GAB2: variants seen among roughly 807,000 people sequenced by gnomAD.
GAB2 encodes the protein GRB2 associated binding protein 2.
In GAB2, 26 loss-of-function variants were observed where a neutral mutation model predicts 65.5. The observed-to-expected ratio is 0.40, with a 90% CI of 0.29 to 0.55. The LOEUF (loss-of-function observed/expected upper bound fraction) is 0.55. GAB2 is among the 20% of genes least tolerant of loss of function. GAB2 has a pLI of 0.53. For synonymous variants in GAB2, 321 were observed against 329.6 expected (o/e 0.97, Z 0.28); for missense variants, 884 against 875.8 (o/e 1.01, Z -0.12).
intron 1 of GAB2, among the ~76,000 whole-genome samples, chr11:78,405,559 G>C (rs867981717): frequency 6.6e-6 from 1 of 152,144 alleles, no homozygotes; most frequent in Non-Finnish European, 1.5e-5. Flanking sequence ...CTGGTAACAA[G>C]TGCTTTTGTA....
At position 78,226,767 on chromosome 11, in the gene GAB2, A is replaced by G. The variant is rs1864674840; in HGVS notation, c.905T>C (p.Leu302Pro). Residue 302 changes from leucine (L) to proline (P), a missense_variant, in exon 4 of 10, where the codon CTG becomes CCG. By Grantham distance (98) the Leu-to-Pro change is moderately conservative (BLOSUM62 -3). Coordinates refer to ENST00000361507, the MANE Select transcript of GAB2 (RefSeq NM_080491.3). ...CAGGAGGTCCCCGAACTCCCTGCAC[A>G]GGGTGTTGCTGGGCGTCTTGAAGGT... is the stretch of plus-strand genomic sequence containing the variant. ...VYTFKTPSNTLCREFGDLLVD... is the reference protein window; with the variant it reads ...VYTFKTPSNTPCREFGDLLVD... The G allele has an allele frequency of 1.9e-6, 3 of 1,614,064 alleles. No individual in the cohort carries two copies. The highest frequency in any genetic ancestry group is 2.5e-6 in the Non-Finnish European group (3 of 1,179,982).
intron 1 of GAB2, among the ~76,000 whole-genome samples, chr11:78,290,404 G>C (rs553443938): frequency 4.7e-4 from 71 of 152,316 alleles, no homozygotes; most frequent in Non-Finnish European, 8.5e-4. Flanking sequence ...AGACCACAAA[G>C]TGTGGGTACA....
chr11:78,410,645 A>C (rs1287669789), intron 1 of GAB2, among the ~76,000 whole-genome samples: 2 of 152,254 alleles, frequency 1.3e-5, no homozygotes, highest in Non-Finnish European at 2.9e-5. Flanking sequence ...ACATGTATGT[A>C]ACAACTTAGA....
chr11:78,385,680 C>T (rs1291260071), intron 1 of GAB2, among the ~76,000 whole-genome samples: 2 of 152,120 alleles, frequency 1.3e-5, no homozygotes, highest in Non-Finnish European at 2.9e-5. Context: ...GCAGTTGAGC[C>T]TTCTTAGACA....
At chr11:78,346,707 ATATATATATATATAAT>A (rs1856191832) in intron 1 of GAB2, among the ~76,000 whole-genome samples, 1 of 93,840 alleles carries the variant, frequency 1.1e-5, no homozygotes, top group African/African-American at 7.4e-5. Flanking sequence ...ATATATATAT[ATATATATATATATAAT>A]TTTTTTTTTT....
At chr11:78,352,677 T>C (rs1420641284) in intron 1 of GAB2, among the ~76,000 whole-genome samples, 3 of 152,114 alleles carry the variant, frequency 2.0e-5, no homozygotes, top group Admixed American at 6.6e-5. Flanking sequence ...CCATTCCTCA[T>C]TGATGGGAAT....
chr11:78,349,689 A>T (rs77235129), intron 1 of GAB2, among the ~76,000 whole-genome samples: 12,983 of 152,072 alleles, frequency 0.085, 1,712 homozygotes, highest in African/African-American at 0.29. Flanking sequence ...CTTTTAAAAA[A>T]TTTTTTTTAA....
intron 3 of GAB2, among the ~76,000 whole-genome samples, chr11:78,247,854 T>C (rs914189164): frequency 1.5e-4 from 23 of 152,192 alleles, no homozygotes; most frequent in African/African-American, 5.3e-4. Context: ...CTGCAAACAT[T>C]ATTTGAACTT....
At chr11:78,323,601 A>C (rs1194035222) in intron 1 of GAB2, among the ~76,000 whole-genome samples, 2 of 151,852 alleles carry the variant, frequency 1.3e-5, no homozygotes, top group Non-Finnish European at 2.9e-5. Flanking sequence ...ATACACAGAC[A>C]TAAAGACGGA....
At chr11:78,386,313 A>T (rs1856765758) in intron 1 of GAB2, among the ~76,000 whole-genome samples, 1 of 152,170 alleles carries the variant, frequency 6.6e-6, no homozygotes, top group African/African-American at 2.4e-5. Flanking sequence ...TCTGTCAAGG[A>T]ATTACAAGTA....
rs1183189196 is a variant in GAB2 at position 78,291,555 on chromosome 11, CTTTTTCTTTTTTTT to C, written c.76-10668_76-10655del. Among the ~76,000 whole-genome samples the C allele has an allele frequency of 9.4e-4, 52 of 55,058 alleles. 1 individual carries two copies. Among genetic ancestry groups the C allele is most frequent in the East Asian group, 2.0e-3 (4 of 1,964 alleles). The allele number at this position is 55,058 out of a possible 152,430, so 36.1% of individuals were successfully genotyped here. On this transcript the variant is annotated intron_variant, in intron 1 of 9. Coordinates refer to ENST00000361507, the MANE Select transcript of GAB2 (RefSeq NM_080491.3). ...CCTATCTTGAGAGACTTACTTTTTT[CTTTTTCTTTTTTTT>C]TTTTTTTTTTTTTTTTTTTTGCGAC...
At chr11:78,361,412 C>T (rs73500974) in intron 1 of GAB2, among the ~76,000 whole-genome samples, 4,282 of 151,460 alleles carry the variant, frequency 0.028, 173 homozygotes, top group African/African-American at 0.092. Context: ...CGGACACACC[C>T]CCCCACACCC....
chr11:78,283,516 CAA>C lies in GAB2; in HGVS notation c.76-2617_76-2616del, dbSNP rs1443640135. Among the ~76,000 whole-genome samples, 4 of 152,304 alleles carry C rather than the reference CAA, an allele frequency of 2.6e-5. No individual in the cohort carries two copies. In the East Asian group the frequency reaches 7.7e-4, roughly 29 times the overall value. On this transcript the variant is annotated intron_variant, in intron 1 of 9. Coordinates refer to ENST00000361507, the MANE Select transcript of GAB2 (RefSeq NM_080491.3). Reference sequence around the variant, plus strand: ...TCTACTTCTCTTTATAGTGATACTTCAAAGAGTATTATATACTACTAATCTTT... The same window carrying C: ...TCTACTTCTCTTTATAGTGATACTTCAGAGTATTATATACTACTAATCTTT...
At chr11:78,338,130 T>G (rs1251838737) in intron 1 of GAB2, among the ~76,000 whole-genome samples, 1 of 152,208 alleles carries the variant, frequency 6.6e-6, no homozygotes, top group Non-Finnish European at 1.5e-5. Context: ...TCTGTTACCA[T>G]CACCATCATA....
At chr11:78,279,860 A>G (rs989962979) in intron 2 of GAB2, among the ~76,000 whole-genome samples, 5 of 152,166 alleles carry the variant, frequency 3.3e-5, no homozygotes, top group African/African-American at 1.2e-4. Context: ...TGCTGTGAAC[A>G]TTCTTGTACA....
At chr11:78,287,649 ATTTTTT>A (rs368184721) in intron 1 of GAB2, among the ~76,000 whole-genome samples, 30 of 136,758 alleles carry the variant, frequency 2.2e-4, no homozygotes, top group Admixed American at 8.1e-4. Context: ...TGCTCTTATC[ATTTTTT>A]TTTTTTTTTT....
At position 78,302,439 on chromosome 11, in the gene GAB2, C is replaced by T. The variant is rs945742868; in HGVS notation, c.76-21538G>A. Among the ~76,000 whole-genome samples the T allele has an allele frequency of 8.5e-5, 13 of 152,110 alleles. No individual in the cohort carries two copies. The East Asian group carries it at 1.5e-3, about 18-fold the overall frequency. On this transcript the variant is annotated intron_variant, in intron 1 of 9. Coordinates refer to ENST00000361507, the MANE Select transcript of GAB2 (RefSeq NM_080491.3). ...AACAGACATATGAAAAAATGCTCAA[C>T]GTCACTAATGATCAGGCAAATGCAA... is the stretch of plus-strand genomic sequence containing the variant.
At chr11:78,373,887 C>T (rs1856602358) in intron 1 of GAB2, among the ~76,000 whole-genome samples, 2 of 152,108 alleles carry the variant, frequency 1.3e-5, no homozygotes, top group African/African-American at 4.8e-5. Context: ...TTCTTTTTAT[C>T]CTTCTTTGCT....
chr11:78,340,564 T>C (rs10899475), intron 1 of GAB2, among the ~76,000 whole-genome samples: 37,215 of 150,960 alleles, frequency 0.25, 5,107 homozygotes, highest in East Asian at 0.41. Flanking sequence ...AAGGGAAAGC[T>C]TATATCTGTC....
Sources: gnomAD v4.1 joint callset for allele counts (sites outside exome capture counted in the v4.1 genomes callset) on GRCh38, gnomAD v4.1.1 for gene constraint, MANE v1.5 for transcripts, NCBI Gene and HGNC (gene_info 2026-07-23, HGNC 2026-07-21) for gene names.